KIF14: variants seen among roughly 807,000 people sequenced by gnomAD.
KIF14 encodes the protein kinesin family member 14.
A neutral mutation model predicts 176.2 loss-of-function variants in KIF14; 98 were observed. That is an observed-to-expected ratio of 0.56 (90% confidence interval 0.47 to 0.66). The LOEUF is 0.66. KIF14 is among the 30% of genes least tolerant of loss of function. KIF14 has a pLI of 0.00. For missense variants in KIF14, 1,751 were observed against 1,920.4 expected, an observed-to-expected ratio of 0.91 and a Z score of 1.65; for synonymous variants, 566 against 632.2, an observed-to-expected ratio of 0.90 and a Z score of 1.57.
At chr1:200,593,930 T>TTTTG (rs1288131541) in intron 14 of KIF14, among the ~76,000 whole-genome samples, 161 bp from the exon 15 acceptor site, 1 of 138,404 alleles carries the variant, frequency 7.2e-6, no homozygotes, top group Non-Finnish European at 1.6e-5. Context: ...CCAACTAGTT[T>TTTTG]TTTTTTTTTT....
At chr1:200,593,937 T>TTG (rs1298337747) in intron 14 of KIF14, among the ~76,000 whole-genome samples, 168 bp from the exon 15 acceptor site, 2 of 141,988 alleles carry the variant, frequency 1.4e-5, no homozygotes, top group African/African-American at 5.3e-5. Flanking sequence ...GTTTTTTTTT[T>TTG]TTTTTTTTTT....
At chr1:200,561,953 C>T (rs1657186079) in intron 25 of KIF14, among the ~76,000 whole-genome samples, 1 of 152,112 alleles carries the variant, frequency 6.6e-6, no homozygotes, top group South Asian at 2.1e-4. Context: ...CCCCAAACAC[C>T]TTCAAACAAA....
chr1:200,602,837 A>G (rs979129691), intron 10 of KIF14, among the ~76,000 whole-genome samples: 7 of 152,212 alleles, frequency 4.6e-5, no homozygotes, highest in African/African-American at 1.7e-4. Context: ...TCTTTATACA[A>G]CTAGCAATAT....
At chr1:200,603,790 T>C (rs1285450789) in intron 9 of KIF14, 49 bp downstream of exon 9, 13 of 1,136,662 alleles carry the variant, frequency 1.1e-5, no homozygotes, top group Non-Finnish European at 1.6e-5. Context: ...CTTAAAATAA[T>C]GACCTCAGGA....
In KIF14 at chr1:200,553,630, G is replaced by A; in HGVS notation, c.4705C>T (p.Gln1569Ter). Residue 1569 changes from glutamine (Q) to a stop codon, truncating the protein, a stop_gained, in exon 30 of 30, where the codon CAG becomes TAG. Transcript: ENST00000367350. LOFTEE classifies it low-confidence loss of function (END_TRUNC). ...YESRVTHIVH[Q>*]ELESLAKSLL... is the part of the protein sequence containing the mutation. ...GACTTAGCTAGAGATTCTAGTTCCT[G>A]GTGGACAATGTGAGTTACTCTACTC... The A allele has an allele frequency of 6.2e-7, 1 of 1,614,080 alleles. No homozygotes were observed. The highest frequency in any genetic ancestry group is 1.3e-5 in the African/African-American group (1 of 75,036).
intron 25 of KIF14, among the ~76,000 whole-genome samples, chr1:200,561,573 A>G (rs1657161733): frequency 6.6e-6 from 1 of 151,998 alleles, no homozygotes; most frequent in East Asian, 1.9e-4. Flanking sequence ...AAGAAAAAAA[A>G]AAAAAAGAAA....
Position 200,620,465 on chromosome 1 carries a change from G to A in KIF14, c.-170C>T, listed in dbSNP as rs745892551. ...CGGGGAGAAGCCCACGGGCCGAGAG[G>A]CCCTGAAGTCCGGCTTCCCGGTCCC... is the stretch of plus-strand genomic sequence containing the variant. On this transcript the variant is annotated 5_prime_UTR_variant, in exon 1 of 30. Transcript: ENST00000367350. 1.3e-5 allele frequency: 2 copies of A among 149,926 alleles called. No individual in the cohort carries two copies. Among genetic ancestry groups the A allele is most frequent in the Non-Finnish European group, 2.9e-5 (2 of 68,056 alleles). The allele number at this position is 149,926 out of a possible 1,614,324, so 9.3% of individuals were successfully genotyped here. A position where few individuals can be genotyped will look rare whatever the true frequency, so the allele number is the denominator to read the frequency against.
Position 200,560,725 on chromosome 1 carries a change from G to A in KIF14, c.4227C>T (p.Val1409=), listed in dbSNP as rs1481941090. The change falls in exon 26 of 30, where the codon GTC becomes GTT. Residue 1409 remains valine (V), a synonymous_variant. Transcript: ENST00000367350. ...LENGNNKAAS[V]QEEFMDAVCD... is the part of the protein sequence containing the mutation. Reference sequence around the variant, plus strand: ...TGAACTAACATTGCTAAATTACCTGGACACTGGCAGCTTTATTGTTACCGT... The same window carrying A: ...TGAACTAACATTGCTAAATTACCTGAACACTGGCAGCTTTATTGTTACCGT... 1 of 1,614,124 alleles carries A rather than the reference G, an allele frequency of 6.2e-7. No individual in the cohort carries two copies. Among genetic ancestry groups the A allele is most frequent in the Non-Finnish European group, 8.5e-7 (1 of 1,180,004 alleles).
At position 200,608,988 on chromosome 1, in the gene KIF14, G is replaced by A. The variant is rs544527126; in HGVS notation, c.1456-60C>T. On this transcript the variant is annotated intron_variant, in intron 4 of 29. Coordinates refer to ENST00000367350, the MANE Select transcript of KIF14 (RefSeq NM_014875.3). ...TTGATGTTTTGCAAATCATATCTGTGGTTAGGAACTAGTATCCAAAATATA... is the reference window on the plus strand; with the variant it reads ...TTGATGTTTTGCAAATCATATCTGTAGTTAGGAACTAGTATCCAAAATATA... 11 of 922,476 alleles carry A rather than the reference G, an allele frequency of 1.2e-5. No homozygotes were observed. In the East Asian group the frequency reaches 2.8e-4, roughly 23 times the overall value. 57.1% of individuals were successfully genotyped at this position (922,476 alleles called of 1,614,324 possible). A position where few individuals can be genotyped will look rare whatever the true frequency, so the allele number is the denominator to read the frequency against.
chr1:200,565,629 T>A lies in KIF14; in HGVS notation c.3702A>T (p.Ala1234=). The change falls in exon 24 of 30, where the codon GCA becomes GCT. Residue 1234 remains alanine (A), a synonymous_variant. Coordinates refer to ENST00000367350, the MANE Select transcript of KIF14 (RefSeq NM_014875.3). ...DKSSTIYSNS[A]ESFLPGICKE... Reference sequence around the variant, plus strand: ...TGCAAATTCCAGGAAGAAAGGACTCTGCTGAATTTGAGTAAATAGTGCTTG... The same window carrying A: ...TGCAAATTCCAGGAAGAAAGGACTCAGCTGAATTTGAGTAAATAGTGCTTG... 2 of 1,607,360 alleles carry A rather than the reference T, an allele frequency of 1.2e-6. No individual in the cohort carries two copies. Among genetic ancestry groups the A allele is most frequent in the Non-Finnish European group, 1.7e-6 (2 of 1,178,738 alleles).
In KIF14 at chr1:200,589,323, T is replaced by C; in HGVS notation, c.3008A>G (p.Lys1003Arg). ...TAATTCCTCAATTTTGTGATTAGCC[T>C]TCTGGTTATTTATTTCCTGCATTTT... ...RKKMQEINNQKANHKIEELEK... is the reference protein window; with the variant it reads ...RKKMQEINNQRANHKIEELEK... Residue 1003 changes from lysine to arginine, a missense_variant, in exon 18 of 30, where the codon AAG (lysine) becomes AGG (arginine). By Grantham distance (26) the Lys-to-Arg change is conservative (BLOSUM62 2). Transcript: ENST00000367350. 6.2e-7 allele frequency: 1 copy of C among 1,610,764 alleles called. No individual in the cohort carries two copies. Among genetic ancestry groups the C allele is most frequent in the Non-Finnish European group, 8.5e-7 (1 of 1,177,408 alleles).
chr1:200,572,338 G>A (rs1558055475), intron 22 of KIF14, among the ~76,000 whole-genome samples: 1 of 152,094 alleles, frequency 6.6e-6, no homozygotes, highest in Non-Finnish European at 1.5e-5. Flanking sequence ...CCAACATCTA[G>A]GAGGCTAAAA....
At chr1:200,565,797 G>C in intron 23 of KIF14, 128 bp from the exon 24 acceptor site, 1 of 635,478 alleles carries the variant, frequency 1.6e-6, no homozygotes. Context: ...AAGCATTTTT[G>C]TGTTCACTGT....
In KIF14 at chr1:200,618,069, G is replaced by T; in HGVS notation, c.655C>A (p.Pro219Thr). 7 of 1,614,036 alleles carry T rather than the reference G, an allele frequency of 4.3e-6. No homozygotes were observed. Among genetic ancestry groups the T allele is most frequent in the Non-Finnish European group, 5.9e-6 (7 of 1,179,944 alleles). Residue 219 changes from proline to threonine, a missense_variant, in exon 2 of 30, where the codon CCA (proline) becomes ACA (threonine). Pro to Thr is a conservative substitution (Grantham distance 38). Transcript: ENST00000367350. ...NVALKYSSNRPPIASLSQTEV... is the reference protein window; with the variant it reads ...NVALKYSSNRTPIASLSQTEV... ...GTCTGACTCAGGGAAGCAATGGGTGGTCTATTACTTGAGTACTTAAGTGCA... is the reference window on the plus strand; with the variant it reads ...GTCTGACTCAGGGAAGCAATGGGTGTTCTATTACTTGAGTACTTAAGTGCA...
chr1:200,607,248 T>G (rs562516891), intron 5 of KIF14, among the ~76,000 whole-genome samples: 8 of 152,042 alleles, frequency 5.3e-5, no homozygotes, highest in African/African-American at 1.9e-4. Flanking sequence ...CAAGCGATTC[T>G]CCTACCTCGG....
chr1:200,559,584 T>C, intron 26 of KIF14, 132 bp from the exon 27 acceptor site: 1 of 423,814 alleles, frequency 2.4e-6, no homozygotes, highest in Non-Finnish European at 4.0e-6. Context: ...AGGACTATAA[T>C]ACATCCCAAG....
intron 1 of KIF14, among the ~76,000 whole-genome samples, chr1:200,619,141 A>G (rs920111049): frequency 2.0e-5 from 3 of 152,228 alleles, no homozygotes; most frequent in East Asian, 1.9e-4. Flanking sequence ...GATAAGCCAT[A>G]TATCAGGCCA....
At chr1:200,606,114 C>T (rs945204914) in intron 6 of KIF14, among the ~76,000 whole-genome samples, 2 of 152,012 alleles carry the variant, frequency 1.3e-5, no homozygotes, top group Admixed American at 1.3e-4. Flanking sequence ...TATGATTTTT[C>T]TTAATACAAT....
intron 2 of KIF14, among the ~76,000 whole-genome samples, chr1:200,616,479 T>G (rs1322022846): frequency 6.6e-6 from 1 of 152,270 alleles, no homozygotes; most frequent in East Asian, 1.9e-4. Context: ...TCCAATTCTC[T>G]CAAACCAACT....
Sources: gnomAD v4.1 joint callset for allele counts (sites outside exome capture counted in the v4.1 genomes callset) on GRCh38, gnomAD v4.1.1 for gene constraint, MANE v1.5 for transcripts, NCBI Gene and HGNC (gene_info 2026-07-23, HGNC 2026-07-21) for gene names.